The following ITK variants were observed in gnomAD, a reference collection of about 807,000 sequenced individuals.
ITK encodes the protein IL2 inducible T cell kinase.
ITK carries 45 observed loss-of-function variants against 87.6 expected under a neutral mutation model. The ratio of observed to expected loss-of-function variants is 0.51; its 90% CI spans 0.40 to 0.66. The LOEUF is 0.66. Among genes scored for constraint, ITK ranks in the 30% least tolerant of loss-of-function variants. The pLI is 0.00. For synonymous variants in ITK, 303 were observed against 273.6 expected, an observed-to-expected ratio of 1.11 and a Z score of -1.06; for missense variants, 605 against 766.3, an observed-to-expected ratio of 0.79 and a Z score of 2.48.
chr5:157,185,499 C>G lies in ITK; in HGVS notation c.138+4384C>G, dbSNP rs1251615812. Among the ~76,000 whole-genome samples the G allele has an allele frequency of 2.0e-5, 3 of 152,142 alleles. No homozygotes were observed. In the East Asian group the frequency reaches 5.8e-4, roughly 29 times the overall value. ...TCATGGTCTGCCCACCTCGGCCTCC[C>G]AAAGTGCTGGGATTACAGATGTGAG... is the stretch of plus-strand genomic sequence containing the variant. On this transcript the variant is annotated intron_variant, in intron 1 of 16. Coordinates refer to ENST00000422843, the MANE Select transcript of ITK (RefSeq NM_005546.4).
chr5:157,217,853 T>G lies in ITK; in HGVS notation c.455-14T>G. 1 of 1,613,318 alleles carries G rather than the reference T, an allele frequency of 6.2e-7. No homozygotes were observed. The highest frequency in any genetic ancestry group is 8.5e-7 in the Non-Finnish European group (1 of 1,179,306). ...TCATGCTCATTTTTTCTTTTCCTGT[T>G]TTTCTCTTTTCAGCTTCAAAGAAGC... On this transcript the variant is annotated splice_polypyrimidine_tract_variant and intron_variant, in intron 4 of 16. Coordinates refer to ENST00000422843, the MANE Select transcript of ITK (RefSeq NM_005546.4).
rs1478139517 is a variant in ITK, at chr5:157,253,022, C to T, written c.*344C>T. 2.6e-6 allele frequency: 1 copy of T among 390,298 alleles called. No individual in the cohort carries two copies. The highest frequency in any genetic ancestry group is 4.0e-5 in the East Asian group (1 of 24,754). 24.2% of individuals were successfully genotyped at this position (390,298 alleles called of 1,614,324 possible). A position where few individuals can be genotyped will look rare whatever the true frequency, so the allele number is the denominator to read the frequency against. On this transcript the variant is annotated 3_prime_UTR_variant, in exon 17 of 17. Coordinates refer to ENST00000422843, the MANE Select transcript of ITK (RefSeq NM_005546.4). The stretch of plus-strand genomic sequence containing the variant: ...CAACAGAGAGAGACATGAGTAAGAC[C>T]CAGATTGCTATTTTTATTGTTATTT...
At position 157,253,012 on chromosome 5, in the gene ITK, T is replaced by A. The variant is rs1027049934; in HGVS notation, c.*334T>A. 1.4e-5 allele frequency: 6 copies of A among 421,906 alleles called. No individual in the cohort carries two copies. The highest frequency in any genetic ancestry group is 2.7e-5 in the Non-Finnish European group (6 of 224,978). 26.1% of individuals were successfully genotyped at this position (421,906 alleles called of 1,614,324 possible). ...CACTTCTTAGCAACAGAGAGAGACA[T>A]GAGTAAGACCCAGATTGCTATTTTT... is the stretch of plus-strand genomic sequence containing the variant. On this transcript the variant is annotated 3_prime_UTR_variant, in exon 17 of 17. Transcript: ENST00000422843.
At chr5:157,205,450 T>C (rs1266523579) in intron 1 of ITK, among the ~76,000 whole-genome samples, 1 of 152,208 alleles carries the variant, frequency 6.6e-6, no homozygotes, top group Non-Finnish European at 1.5e-5. Flanking sequence ...AATATAATTC[T>C]GGAAAAAATA....
At chr5:157,226,784 C>CT (rs985832743) in intron 6 of ITK, among the ~76,000 whole-genome samples, 2 of 151,080 alleles carry the variant, frequency 1.3e-5, no homozygotes, top group African/African-American at 4.8e-5. Context: ...TATCAGGCAT[C>CT]TTTTTTTGTT....
In ITK at chr5:157,211,280, T is replaced by C. The variant is rs1242408299; in HGVS notation, c.244-7T>C. 2 of 1,612,064 alleles carry C rather than the reference T, an allele frequency of 1.2e-6. No homozygotes were observed. Among genetic ancestry groups the C allele is most frequent in the Non-Finnish European group, 1.7e-6 (2 of 1,178,216 alleles). ...GCTCACCTTGAACTCTGTGTGTGTGTCTCCAGGTGGTGCATGACAACTACC... is the reference window on the plus strand; with the variant it reads ...GCTCACCTTGAACTCTGTGTGTGTGCCTCCAGGTGGTGCATGACAACTACC... On this transcript the variant is annotated splice_region_variant and splice_polypyrimidine_tract_variant and intron_variant, in intron 2 of 16. Coordinates refer to ENST00000422843, the MANE Select transcript of ITK (RefSeq NM_005546.4).
At chr5:157,244,076 A>G (rs1056388649) in intron 12 of ITK, 186 bp from the exon 13 acceptor site, 17 of 689,426 alleles carry the variant, frequency 2.5e-5, no homozygotes, top group Non-Finnish European at 3.9e-5. Context: ...CACACAGCTG[A>G]CTCCTTGCCA....
At chr5:157,240,721 G>C (rs1461900529) in intron 10 of ITK, 1 of 181,164 alleles carries the variant, frequency 5.5e-6, no homozygotes, top group Non-Finnish European at 1.2e-5. Flanking sequence ...GCAGGAGCAG[G>C]AGCGAGGAGG....
intron 11 of ITK, 143 bp downstream of exon 11, chr5:157,241,863 C>T (rs1019672814): frequency 5.7e-5 from 39 of 678,986 alleles, no homozygotes; most frequent in Non-Finnish European, 1.0e-4. Flanking sequence ...GATGATGGCA[C>T]TAATGAATAT....
Position 157,191,303 on chromosome 5 carries a change from GT to G in ITK, c.138+10192del, listed in dbSNP as rs1753749840. Reference sequence around the variant, plus strand: ...TTTGTCCAGAATCATCTCACTCCATGTTTTGATGGGAAAGTGCCTGGTGTAT... The same window carrying G: ...TTTGTCCAGAATCATCTCACTCCATGTTTGATGGGAAAGTGCCTGGTGTAT... On this transcript the variant is annotated intron_variant, in intron 1 of 16. Transcript: ENST00000422843. Among the ~76,000 whole-genome samples, 4 of 152,130 alleles carry G rather than the reference GT, an allele frequency of 2.6e-5. 1 individual carries two copies. In the East Asian group the frequency reaches 7.7e-4, roughly 29 times the overall value.
At chr5:157,202,529 C>T (rs1316912071) in intron 1 of ITK, among the ~76,000 whole-genome samples, 1 of 152,092 alleles carries the variant, frequency 6.6e-6, no homozygotes, top group Non-Finnish European at 1.5e-5. Flanking sequence ...TTTCTTTATT[C>T]ATTCTTTTGT....
chr5:157,236,880 C>T (rs1754785780), intron 8 of ITK, among the ~76,000 whole-genome samples: 1 of 152,120 alleles, frequency 6.6e-6, no homozygotes, highest in African/African-American at 2.4e-5. Context: ...TGTTCTTTTT[C>T]CTTCCGCCCT....
intron 8 of ITK, among the ~76,000 whole-genome samples, chr5:157,234,524 C>A (rs1001597000): frequency 5.9e-5 from 9 of 152,126 alleles, no homozygotes; most frequent in African/African-American, 2.2e-4. Context: ...TGAATTCCTG[C>A]ATAGTATTCC....
intron 15 of ITK, among the ~76,000 whole-genome samples, chr5:157,248,215 A>G (rs1755060165): frequency 6.6e-6 from 1 of 152,224 alleles, no homozygotes; most frequent in Non-Finnish European, 1.5e-5. Flanking sequence ...TCTTGCTCTG[A>G]CAACCTGTGA....
intron 4 of ITK, among the ~76,000 whole-genome samples, chr5:157,216,196 C>T (rs925250316): frequency 6.6e-6 from 1 of 152,202 alleles, no homozygotes. Flanking sequence ...AAGAAGCACA[C>T]TGCACTGTGA....
Position 157,245,886 on chromosome 5 carries a change from T to G in ITK, c.1520T>G (p.Val507Gly). The G allele has an allele frequency of 6.2e-7, 1 of 1,613,900 alleles. No homozygotes were observed. The highest frequency in any genetic ancestry group is 8.5e-7 in the Non-Finnish European group (1 of 1,179,760). Reference protein sequence around the residue: ...KVSDFGMTRFVLDDQYTSSTG... With the variant: ...KVSDFGMTRFGLDDQYTSSTG... ...TCCCTCCACTCTCTTCCCAGGTTCGTTCTGGATGATCAGTACACCAGTTCC... is the reference window on the plus strand; with the variant it reads ...TCCCTCCACTCTCTTCCCAGGTTCGGTCTGGATGATCAGTACACCAGTTCC... Residue 507 changes from valine (V) to glycine (G), a missense_variant, in exon 15 of 17, where the codon GTT becomes GGT. Val to Gly is a moderately radical substitution (Grantham distance 109, BLOSUM62 -3). Transcript: ENST00000422843.
At chr5:157,228,444 A>T in intron 7 of ITK, 83 bp downstream of exon 7, 1 of 830,552 alleles carries the variant, frequency 1.2e-6, no homozygotes, top group Non-Finnish European at 2.1e-6. Context: ...TTGACTGTAA[A>T]AATACCAGAT....
chr5:157,252,778 T>C lies in ITK; in HGVS notation c.*100T>C, dbSNP rs2229735. On this transcript the variant is annotated 3_prime_UTR_variant, in exon 17 of 17. Coordinates refer to ENST00000422843, the MANE Select transcript of ITK (RefSeq NM_005546.4). ...AGAAGCTGCCACCAGCCCAGGACCC[T>C]CCAGAGGCAGCCTGGCCTGTGGCAT... 2.2e-6 allele frequency: 2 copies of C among 928,572 alleles called. No homozygotes were observed. Among genetic ancestry groups the C allele is most frequent in the Non-Finnish European group, 3.5e-6 (2 of 564,074 alleles). The allele number at this position is 928,572 out of a possible 1,614,324, so 57.5% of individuals were successfully genotyped here.
At chr5:157,209,310 A>G (rs968051629) in intron 2 of ITK, among the ~76,000 whole-genome samples, 2 of 150,452 alleles carry the variant, frequency 1.3e-5, no homozygotes, top group African/African-American at 5.0e-5. Flanking sequence ...CAGCCCAGGC[A>G]ACAGAGTGAG....
Sources: allele counts gnomAD v4.1 joint callset (sites outside exome capture counted in the v4.1 genomes callset), GRCh38; gene constraint gnomAD v4.1.1; transcripts MANE v1.5; gene names NCBI Gene and HGNC (gene_info 2026-07-23, HGNC 2026-07-21).